RAB3GAP1: variants seen among roughly 807,000 people sequenced by gnomAD.
RAB3GAP1 encodes rab3 GTPase-activating protein catalytic subunit.
A neutral mutation model predicts 130.7 loss-of-function variants in RAB3GAP1; 86 were observed. The observed-to-expected ratio is 0.66, with a 90% CI of 0.55 to 0.79. RAB3GAP1 has a LOEUF of 0.79. Ranked by LOEUF, RAB3GAP1 falls within the 30% of genes least tolerant of loss-of-function variation. RAB3GAP1 has a pLI of 0.00. For synonymous variants in RAB3GAP1, 367 were observed against 401.7 expected, an observed-to-expected ratio of 0.91 and a Z score of 1.03; for missense variants, 1,029 against 1,169.4, an observed-to-expected ratio of 0.88 and a Z score of 1.75.
intron 5 of RAB3GAP1, among the ~76,000 whole-genome samples, chr2:135,101,488 A>G (rs747933374): frequency 2.0e-5 from 3 of 152,210 alleles, no homozygotes; most frequent in Non-Finnish European, 4.4e-5. Context: ...ATTAACTTAT[A>G]TTTTCAAATC....
intron 17 of RAB3GAP1, among the ~76,000 whole-genome samples, chr2:135,149,467 C>T (rs1692103165): frequency 6.6e-6 from 1 of 152,146 alleles, no homozygotes; most frequent in African/African-American, 2.4e-5. Flanking sequence ...GATTCAAGCA[C>T]ATAGCATATA....
chr2:135,065,155 G>A (rs1689283678), intron 3 of RAB3GAP1, among the ~76,000 whole-genome samples: 1 of 152,110 alleles, frequency 6.6e-6, no homozygotes, highest in African/African-American at 2.4e-5. Context: ...ACACCTCAAT[G>A]TTAGAACTGT....
At chr2:135,102,743 C>T (rs556200561) in intron 5 of RAB3GAP1, among the ~76,000 whole-genome samples, 122 of 152,132 alleles carry the variant, frequency 8.0e-4, no homozygotes, top group African/African-American at 2.6e-3. Flanking sequence ...TGTCTGGGCA[C>T]GGTGGCTCAT....
intron 7 of RAB3GAP1, among the ~76,000 whole-genome samples, chr2:135,116,141 C>T (rs1690964752): frequency 6.6e-6 from 1 of 152,148 alleles, no homozygotes; most frequent in Non-Finnish European, 1.5e-5. Flanking sequence ...CACTATCTCA[C>T]AGTTGATTAA....
At chr2:135,079,388 G>A (rs936939848) in intron 3 of RAB3GAP1, among the ~76,000 whole-genome samples, 1 of 152,144 alleles carries the variant, frequency 6.6e-6, no homozygotes, top group Non-Finnish European at 1.5e-5. Context: ...GTGTTCAGAT[G>A]AATTCTCCTG....
chr2:135,120,649 A>G (rs1303030691), intron 7 of RAB3GAP1, among the ~76,000 whole-genome samples, 170 bp from the exon 8 acceptor site: 1 of 152,214 alleles, frequency 6.6e-6, no homozygotes, highest in Non-Finnish European at 1.5e-5. Flanking sequence ...CTAGAATATC[A>G]TGTTTTTAAT....
intron 17 of RAB3GAP1, among the ~76,000 whole-genome samples, chr2:135,141,014 T>C (rs960753271): frequency 3.9e-5 from 6 of 152,182 alleles, no homozygotes; most frequent in Admixed American, 6.6e-5. Flanking sequence ...GGTAGGATCT[T>C]GTGGTTTTAC....
At chr2:135,153,902 C>T (rs535422139) in intron 19 of RAB3GAP1, 26 bp downstream of exon 19, 3 of 1,589,988 alleles carry the variant, frequency 1.9e-6, no homozygotes, top group Non-Finnish European at 2.6e-6. Flanking sequence ...GTCTCTAATA[C>T]TAGAATGCAA....
intron 14 of RAB3GAP1, among the ~76,000 whole-genome samples, chr2:135,133,412 A>G (rs182173616): frequency 7.2e-5 from 11 of 152,260 alleles, no homozygotes; most frequent in Admixed American, 1.3e-4. Flanking sequence ...TTTAAATGAC[A>G]AGTGTAGATA....
intron 17 of RAB3GAP1, among the ~76,000 whole-genome samples, chr2:135,145,534 G>A (rs1331042784): frequency 6.6e-6 from 1 of 152,102 alleles, no homozygotes; most frequent in Non-Finnish European, 1.5e-5. Flanking sequence ...ACTGTCAGTG[G>A]AGTTAGATTG....
At chr2:135,147,465 T>C (rs1692032980) in intron 17 of RAB3GAP1, among the ~76,000 whole-genome samples, 1 of 152,162 alleles carries the variant, frequency 6.6e-6, no homozygotes. Flanking sequence ...AATACTGAAT[T>C]CTTAAAAAGC....
intron 17 of RAB3GAP1, among the ~76,000 whole-genome samples, chr2:135,145,117 T>A (rs1008649455): frequency 6.6e-6 from 1 of 152,196 alleles, no homozygotes; most frequent in African/African-American, 2.4e-5. Context: ...GGGGTACATA[T>A]GCTATTTTGT....
intron 3 of RAB3GAP1, among the ~76,000 whole-genome samples, chr2:135,084,088 T>C (rs1010409586): frequency 6.6e-6 from 1 of 151,936 alleles, no homozygotes; most frequent in Admixed American, 6.6e-5. Context: ...CTACTAAAAA[T>C]TAAAAAATGA....
chr2:135,173,432 C>A (rs374165351), downstream of RAB3GAP1, among the ~76,000 whole-genome samples: 28 of 152,030 alleles, frequency 1.8e-4, no homozygotes, highest in Non-Finnish European at 1.5e-4. Flanking sequence ...AAAAAACATA[C>A]TTCAAGAGGG....
chr2:135,118,289 G>A (rs1691089170), intron 7 of RAB3GAP1, among the ~76,000 whole-genome samples: 1 of 151,852 alleles, frequency 6.6e-6, no homozygotes, highest in Non-Finnish European at 1.5e-5. Flanking sequence ...AAAAAAAAAA[G>A]TTTTTAATCA....
At chr2:135,171,264 G>A (rs1367381691), downstream of RAB3GAP1, among the ~76,000 whole-genome samples, 1 of 152,144 alleles carries the variant, frequency 6.6e-6, no homozygotes, top group Admixed American at 6.5e-5. Context: ...TTCGGGGGAA[G>A]CCGCAGCTAC....
At chr2:135,067,879 T>C (rs934268261) in intron 3 of RAB3GAP1, among the ~76,000 whole-genome samples, 4 of 152,148 alleles carry the variant, frequency 2.6e-5, no homozygotes, top group African/African-American at 9.7e-5. Context: ...TACAGGTACA[T>C]GCCACCATGC....
chr2:135,071,029 G>A lies in RAB3GAP1; in HGVS notation c.150+12943G>A, dbSNP rs536037564. Among the ~76,000 whole-genome samples, 10 of 152,220 alleles carry A rather than the reference G, an allele frequency of 6.6e-5. No individual in the cohort carries two copies. The East Asian group carries it at 1.5e-3, about 23-fold the overall frequency. ...TGTTGACAGAATTTATATATACAAA[G>A]GCTTACTTGAACATGTACTTTTGGG... On this transcript the variant is annotated intron_variant, in intron 3 of 23. Transcript: ENST00000264158.
chr2:135,112,677 C>CT (rs1690839878), intron 5 of RAB3GAP1, among the ~76,000 whole-genome samples: 1 of 152,136 alleles, frequency 6.6e-6, no homozygotes, highest in South Asian at 2.1e-4. Flanking sequence ...AGCTGTTGAC[C>CT]TTTTTTTCTC....
Sources: allele counts gnomAD v4.1 joint callset (sites outside exome capture counted in the v4.1 genomes callset), GRCh38; gene constraint gnomAD v4.1.1; transcripts MANE v1.5; gene names NCBI Gene and HGNC (gene_info 2026-07-23, HGNC 2026-07-21).